The following TBK1 variants were observed in gnomAD, a reference collection of about 807,000 sequenced individuals.
TBK1 encodes TANK binding kinase 1.
A neutral mutation model predicts 99.9 loss-of-function variants in TBK1; 37 were observed. That is an observed-to-expected ratio of 0.37 (90% CI 0.28 to 0.49). The LOEUF is 0.49. TBK1 is among the 20% of genes least tolerant of loss of function. The pLI is 0.98. For missense variants in TBK1, 644 were observed against 872.5 expected (o/e 0.74, Z 3.30); for synonymous variants, 258 against 279.8 (o/e 0.92, Z 0.78).
At chr12:64,471,256 C>A (rs1343889668) in intron 5 of TBK1, among the ~76,000 whole-genome samples, 1 of 151,224 alleles carries the variant, frequency 6.6e-6, no homozygotes, top group South Asian at 2.1e-4. Context: ...TCAAGCTCCA[C>A]CTCCCAGGTT....
chr12:64,475,916 T>C (rs2040706943), intron 6 of TBK1, among the ~76,000 whole-genome samples: 1 of 152,186 alleles, frequency 6.6e-6, no homozygotes, highest in Non-Finnish European at 1.5e-5. Context: ...TAGTTCTATT[T>C]TTAGTTATTT....
At chr12:64,501,116 CT>C (rs1165913859) in intron 20 of TBK1, among the ~76,000 whole-genome samples, 1 of 152,148 alleles carries the variant, frequency 6.6e-6, no homozygotes, top group Non-Finnish European at 1.5e-5. Flanking sequence ...CCAGTTCTTA[CT>C]GACAGTTTCT....
chr12:64,454,174 T>C (rs2040459353), intron 1 of TBK1, among the ~76,000 whole-genome samples: 1 of 152,228 alleles, frequency 6.6e-6, no homozygotes, highest in Non-Finnish European at 1.5e-5. Flanking sequence ...TCAAAACATT[T>C]GAAGGAGGTA....
chr12:64,480,899 TTAAA>T (rs1414977274), intron 7 of TBK1, among the ~76,000 whole-genome samples: 2 of 152,228 alleles, frequency 1.3e-5, no homozygotes, highest in Non-Finnish European at 2.9e-5. Flanking sequence ...TTGTATGACT[TTAAA>T]TAAATAAATA....
rs781325780 is a variant in TBK1, at chr12:64,455,910, A to G, written c.40A>G (p.Ile14Val). 6.2e-6 allele frequency: 10 copies of G among 1,613,842 alleles called. No individual in the cohort carries two copies. The highest frequency in any genetic ancestry group is 1.7e-5 in the Admixed American group (1 of 59,952). The change falls in exon 2 of 21, where the codon ATT (isoleucine) becomes GTT (valine). Residue 14 changes from isoleucine to valine, a missense_variant. Physicochemically the swap from Ile to Val is conservative, Grantham distance 29. Coordinates refer to ENST00000331710, the MANE Select transcript of TBK1 (RefSeq NM_013254.4). ...TAATCATCTGTGGCTTTTATCTGAT[A>G]TTTTAGGCCAAGGAGCTACTGCAAA... ...TSNHLWLLSD[I>V]LGQGATANVF...
At position 64,501,592 on chromosome 12, in the gene TBK1, T is replaced by A. The variant is rs1000418016; in HGVS notation, c.*211T>A. On this transcript the variant is annotated 3_prime_UTR_variant, in exon 21 of 21. Coordinates refer to ENST00000331710, the MANE Select transcript of TBK1 (RefSeq NM_013254.4). ...TTTTATCTTTTAACATTTATAATTA[T>A]ATGAGGAAATTTGACCTCAGTGATC... 2 of 498,772 alleles carry A rather than the reference T, an allele frequency of 4.0e-6. No individual in the cohort carries two copies. The highest frequency in any genetic ancestry group is 4.0e-5 in the African/African-American group (2 of 50,114). 30.9% of individuals were successfully genotyped at this position (498,772 alleles called of 1,614,324 possible).
At chr12:64,465,692 T>A (rs1445551166) in intron 4 of TBK1, among the ~76,000 whole-genome samples, 2 of 152,092 alleles carry the variant, frequency 1.3e-5, no homozygotes, top group African/African-American at 4.8e-5. Flanking sequence ...GGCTGCAATA[T>A]TATATGATTC....
chr12:64,497,813 G>C, intron 19 of TBK1, 59 bp downstream of exon 19: 1 of 1,467,996 alleles, frequency 6.8e-7, no homozygotes, highest in South Asian at 1.2e-5. Flanking sequence ...TGCAGTTTGT[G>C]CTTTTGCTCT....
chr12:64,473,440 T>C (rs11829573), intron 5 of TBK1, among the ~76,000 whole-genome samples: 5,961 of 152,182 alleles, frequency 0.039, 385 homozygotes, highest in African/African-American at 0.14. Context: ...ATGGGAGATA[T>C]TAAAGCATGT....
chr12:64,455,787 C>G (rs970243667), intron 1 of TBK1, 53 bp from the exon 2 acceptor site: 20 of 887,372 alleles, frequency 2.3e-5, no homozygotes, highest in Non-Finnish European at 3.2e-5. Flanking sequence ...ACATTTGTTT[C>G]TTAGCTGTGT....
chr12:64,485,435 T>A lies in TBK1; in HGVS notation c.1190-20T>A. ...TTTCAAAAAGTTTTCTTTCTCATTT[T>A]ATTTTACTTCATATTTCAGTTTCCC... On this transcript the variant is annotated intron_variant, in intron 9 of 20. Transcript: ENST00000331710. 7.2e-7 allele frequency: 1 copy of A among 1,391,782 alleles called. No homozygotes were observed. Among genetic ancestry groups the A allele is most frequent in the Non-Finnish European group, 9.9e-7 (1 of 1,008,780 alleles). The allele number at this position is 1,391,782 out of a possible 1,614,324, so 86.2% of individuals were successfully genotyped here.
At chr12:64,466,618 A>G (rs184054683) in intron 4 of TBK1, among the ~76,000 whole-genome samples, 7 of 152,218 alleles carry the variant, frequency 4.6e-5, no homozygotes, top group Non-Finnish European at 8.8e-5. Flanking sequence ...TCAAGAAATC[A>G]TATGCTTAAG....
chr12:64,468,314 GA>G (rs111956269), intron 5 of TBK1, among the ~76,000 whole-genome samples: 15,226 of 152,112 alleles, frequency 0.1, 873 homozygotes, highest in Middle Eastern at 0.21. Context: ...GCAACATGGT[GA>G]AACCCCATCT....
intron 13 of TBK1, among the ~76,000 whole-genome samples, chr12:64,491,654 T>C (rs1304424165): frequency 6.6e-6 from 1 of 152,166 alleles, no homozygotes; most frequent in African/African-American, 2.4e-5. Context: ...TATTGTAATC[T>C]TGCAAGCTTT....
Position 64,467,059 on chromosome 12 carries a change from C to G in TBK1, c.517C>G (p.Leu173Val), listed in dbSNP as rs779137854. The change falls in exon 5 of 21, where the codon CTG becomes GTG. Residue 173 changes from leucine to valine, a missense_variant. Physicochemically the swap from Leu to Val is conservative, Grantham distance 32. This residue lies in a region of TBK1 where 31 missense variants were observed against 82.4 expected (regional missense o/e 0.38). Transcript: ENST00000331710. ...AGAAGATGATGAGCAGTTTGTTTCT[C>G]TGTATGGCACAGAAGAATATTTGGT... ...ELEDDEQFVS[L>V]YGTEEYLHPD... is the part of the protein sequence containing the mutation. The G allele has an allele frequency of 1.2e-6, 2 of 1,605,084 alleles. No individual in the cohort carries two copies. The highest frequency in any genetic ancestry group is 1.7e-5 in the Admixed American group (1 of 58,686).
intron 20 of TBK1, among the ~76,000 whole-genome samples, chr12:64,500,753 CT>C (rs1009756107): frequency 2.9e-3 from 287 of 98,960 alleles, no homozygotes; most frequent in African/African-American, 6.2e-3. Context: ...AACTCGGTAT[CT>C]TTTTTTTTTT....
At chr12:64,484,563 C>A in intron 9 of TBK1, 64 bp downstream of exon 9, 1 of 1,473,476 alleles carries the variant, frequency 6.8e-7, no homozygotes, top group Non-Finnish European at 9.2e-7. Context: ...GCCTGGGCAA[C>A]ATAGTGAGAC....
intron 11 of TBK1, among the ~76,000 whole-genome samples, chr12:64,487,686 A>G (rs938124220): frequency 6.6e-6 from 1 of 152,150 alleles, no homozygotes; most frequent in African/African-American, 2.4e-5. Flanking sequence ...TTTAATGTAA[A>G]CCACTGTTGG....
chr12:64,497,427 C>T (rs945573660), intron 18 of TBK1, among the ~76,000 whole-genome samples, 168 bp downstream of exon 18: 1 of 152,102 alleles, frequency 6.6e-6, no homozygotes, highest in Non-Finnish European at 1.5e-5. Context: ...CAACTAAAAA[C>T]AGCTGATAAA....
Sources: allele counts gnomAD v4.1 joint callset (sites outside exome capture counted in the v4.1 genomes callset), GRCh38; gene constraint gnomAD v4.1.1; regional missense constraint gnomAD v4.1.1; transcripts MANE v1.5; gene names NCBI Gene and HGNC (gene_info 2026-07-23, HGNC 2026-07-21).